ADAMTS2: variants seen among roughly 807,000 people sequenced by gnomAD.
ADAMTS2 encodes the protein ADAM metallopeptidase with thrombospondin type 1 motif 2, also known as A disintegrin and metalloproteinase with thrombospondin motifs 2.
A neutral mutation model predicts 123.0 loss-of-function variants in ADAMTS2; 50 were observed. The ratio of observed to expected loss-of-function variants is 0.41; its 90% CI spans 0.32 to 0.51. The LOEUF is 0.51. ADAMTS2 is among the 20% of genes least tolerant of loss of function. The pLI is 0.35. For missense variants in ADAMTS2, 1,494 were observed against 1,705.2 expected (o/e 0.88, Z 2.18); for synonymous variants, 678 against 695.4 (o/e 0.98, Z 0.39).
intron 2 of ADAMTS2, among the ~76,000 whole-genome samples, chr5:179,276,515 A>G (rs1463664647): frequency 6.6e-6 from 1 of 152,176 alleles, no homozygotes; most frequent in Non-Finnish European, 1.5e-5. Flanking sequence ...TCTGTACATG[A>G]GGCAGGTCAT....
At chr5:179,320,286 G>T (rs1757127332) in intron 2 of ADAMTS2, among the ~76,000 whole-genome samples, 1 of 152,168 alleles carries the variant, frequency 6.6e-6, no homozygotes, top group South Asian at 2.1e-4. Flanking sequence ...CCCTAAGCCT[G>T]CCTGGAGTCC....
intron 3 of ADAMTS2, among the ~76,000 whole-genome samples, chr5:179,218,414 C>T (rs1338998438): frequency 6.6e-6 from 1 of 152,176 alleles, no homozygotes; most frequent in African/African-American, 2.4e-5. Flanking sequence ...GAAAGCCCTG[C>T]TTGGAAGCAG....
chr5:179,154,992 C>T, intron 6 of ADAMTS2, 73 bp from the exon 7 acceptor site: 2 of 1,362,994 alleles, frequency 1.5e-6, no homozygotes, highest in Non-Finnish European at 2.1e-6. Context: ...GCCTAACTCC[C>T]AGGCGCTGCT....
rs572321048 is a variant in ADAMTS2, at chr5:179,271,376, G to C, written c.688+1535C>G. The stretch of plus-strand genomic sequence containing the variant: ...TGAATCTTCCAGGAGAGGCCAGCCA[G>C]AAGCACCAAGCCCACAGCACAAGTG... On this transcript the variant is annotated intron_variant, in intron 3 of 21. Transcript: ENST00000251582. Among the ~76,000 whole-genome samples, 43 of 152,298 alleles carry C rather than the reference G, an allele frequency of 2.8e-4. 1 individual carries two copies. Among genetic ancestry groups the C allele is most frequent in the African/African-American group, 1.0e-3 (42 of 41,564 alleles).
rs542315319 is a variant in ADAMTS2, at chr5:179,295,113, A to G, written c.535-22049T>C. On this transcript the variant is annotated intron_variant, in intron 2 of 21. Transcript: ENST00000251582. ...TCTGTCATCCTCAGAGCCTGAGAGC[A>G]TCTGGCACCAGGCCTGGCTGAATAA... Among the ~76,000 whole-genome samples, 43 of 152,354 alleles carry G rather than the reference A, an allele frequency of 2.8e-4. No individual in the cohort carries two copies. In the South Asian group the frequency reaches 6.4e-3, roughly 23 times the overall value.
chr5:179,199,409 C>T (rs1409865546), intron 4 of ADAMTS2, among the ~76,000 whole-genome samples: 1 of 152,200 alleles, frequency 6.6e-6, no homozygotes, highest in Non-Finnish European at 1.5e-5. Context: ...GGATGGCTGG[C>T]CAGAGCCCGT....
At chr5:179,249,947 T>G (rs1765881580) in intron 3 of ADAMTS2, among the ~76,000 whole-genome samples, 1 of 152,208 alleles carries the variant, frequency 6.6e-6, no homozygotes, top group Non-Finnish European at 1.5e-5. Flanking sequence ...CTCAATGATA[T>G]TCTAGCAAAC....
At chr5:179,328,311 C>T (rs1364709969) in intron 2 of ADAMTS2, among the ~76,000 whole-genome samples, 3 of 152,252 alleles carry the variant, frequency 2.0e-5, no homozygotes, top group Non-Finnish European at 4.4e-5. Flanking sequence ...GGATTGCAGG[C>T]GTGAGCCACC....
intron 2 of ADAMTS2, among the ~76,000 whole-genome samples, chr5:179,319,265 G>A (rs911379997): frequency 2.6e-5 from 4 of 152,128 alleles, no homozygotes; most frequent in Admixed American, 2.6e-4. Flanking sequence ...CCACACATGT[G>A]CACTACACAC....
chr5:179,264,495 T>C (rs1238205536), intron 3 of ADAMTS2, among the ~76,000 whole-genome samples: 4 of 152,176 alleles, frequency 2.6e-5, no homozygotes, highest in African/African-American at 7.2e-5. Flanking sequence ...AGCCCACAGT[T>C]GCTGATCAAA....
chr5:179,203,085 A>G (rs1764603926), intron 4 of ADAMTS2, among the ~76,000 whole-genome samples: 1 of 152,198 alleles, frequency 6.6e-6, no homozygotes, highest in Non-Finnish European at 1.5e-5. Flanking sequence ...CCAAATGATG[A>G]GGGAAACTGA....
At chr5:179,182,340 C>T (rs1764068569) in intron 4 of ADAMTS2, among the ~76,000 whole-genome samples, 2 of 152,164 alleles carry the variant, frequency 1.3e-5, no homozygotes, top group African/African-American at 2.4e-5. Flanking sequence ...CCAGGGGCTG[C>T]TGACAGCTCC....
In ADAMTS2 at chr5:179,154,324, T is replaced by A. The variant is rs1025569341; in HGVS notation, c.1239-132A>T. On this transcript the variant is annotated intron_variant, in intron 7 of 21. Coordinates refer to ENST00000251582, the MANE Select transcript of ADAMTS2 (RefSeq NM_014244.5). ...TGACCTTGGCCCACTCTGAGCCGGGTGGCACCGACCATCTACCTGCTGCAA... is the reference window on the plus strand; with the variant it reads ...TGACCTTGGCCCACTCTGAGCCGGGAGGCACCGACCATCTACCTGCTGCAA... 130 of 1,308,640 alleles carry A rather than the reference T, an allele frequency of 9.9e-5. 1 individual carries two copies. The South Asian group carries it at 1.4e-3, about 14-fold the overall frequency. The allele number at this position is 1,308,640 out of a possible 1,614,324, so 81.1% of individuals were successfully genotyped here.
intron 3 of ADAMTS2, among the ~76,000 whole-genome samples, chr5:179,238,693 G>A (rs1389715143): frequency 1.3e-5 from 2 of 152,194 alleles, no homozygotes; most frequent in Non-Finnish European, 2.9e-5. Flanking sequence ...AAGTGAGTGA[G>A]AAGGAAAATG....
Position 179,125,985 on chromosome 5 carries a change from TG to T in ADAMTS2, c.2750+12del. The T allele has an allele frequency of 6.2e-7, 1 of 1,613,356 alleles. No homozygotes were observed. The highest frequency in any genetic ancestry group is 8.5e-7 in the Non-Finnish European group (1 of 1,179,986). Reference sequence around the variant, plus strand: ...TGTCTCCTCTAGTGGGAGCCCGAGCTGGGGGCACTCACACTGGCTGGGAGCA... The same window carrying T: ...TGTCTCCTCTAGTGGGAGCCCGAGCTGGGGCACTCACACTGGCTGGGAGCA... On this transcript the variant is annotated intron_variant, in intron 18 of 21. Transcript: ENST00000251582.
At chr5:179,135,779 G>C (rs552680389) in intron 13 of ADAMTS2, 130 bp downstream of exon 13, 17 of 1,394,972 alleles carry the variant, frequency 1.2e-5, no homozygotes, top group Non-Finnish European at 1.4e-5. Context: ...GCCCTGGTCC[G>C]GGCATTGTTT....
intron 5 of ADAMTS2, among the ~76,000 whole-genome samples, chr5:179,171,735 C>G (rs907725485): frequency 6.6e-6 from 1 of 152,176 alleles, no homozygotes. Context: ...ATGGGGTGAG[C>G]TTTGCTGAGC....
At position 179,312,081 on chromosome 5, in the gene ADAMTS2, C is replaced by T. The variant is rs2113576891; in HGVS notation, c.534+31686G>A. ...AGAAGCTGCAGAGGTGCAAATATAA[C>T]AGTCAGACGACCATGGCAGTGGTCA... On this transcript the variant is annotated intron_variant, in intron 2 of 21. Coordinates refer to ENST00000251582, the MANE Select transcript of ADAMTS2 (RefSeq NM_014244.5). This position sits in a 1 kb window ranked among gnomAD's most constrained non-coding sequence, Gnocchi z 4.2. 6.6e-6 allele frequency among the ~76,000 whole-genome samples: 1 copy of T among 152,310 alleles called. No homozygotes were observed. Among genetic ancestry groups the T allele is most frequent in the East Asian group, 1.9e-4 (1 of 5,178 alleles).
At chr5:179,137,980 C>T in intron 11 of ADAMTS2, 36 bp from the exon 12 acceptor site, 1 of 1,538,612 alleles carries the variant, frequency 6.5e-7, no homozygotes, top group Non-Finnish European at 8.7e-7. Flanking sequence ...CGCTCCGTGC[C>T]ATTGGAAAGA....
Sources: gnomAD v4.1 joint callset for allele counts (sites outside exome capture counted in the v4.1 genomes callset) on GRCh38, gnomAD v4.1.1 for gene constraint, Gnocchi (gnomAD v3.1) non-coding constraint, MANE v1.5 for transcripts, NCBI Gene and HGNC (gene_info 2026-07-23, HGNC 2026-07-21) for gene names.